The following EIF4G3 variants were observed in gnomAD, a reference collection of about 807,000 sequenced individuals.
EIF4G3 encodes the protein eIF-4-gamma 3.
Under a neutral mutation model 186.4 loss-of-function variants are expected in EIF4G3, and 34 were observed. The ratio of observed to expected loss-of-function variants is 0.18; its 90% CI spans 0.14 to 0.24. The LOEUF (loss-of-function observed/expected upper bound fraction) is 0.24. Ranked by LOEUF, EIF4G3 falls within the 10% of genes least tolerant of loss-of-function variation. The pLI is 1.00. For synonymous variants in EIF4G3, 673 were observed against 679.5 expected, an observed-to-expected ratio of 0.99 and a Z score of 0.15; for missense variants, 1,536 against 1,948.5, an observed-to-expected ratio of 0.79 and a Z score of 3.99.
intron 4 of EIF4G3, among the ~76,000 whole-genome samples, chr1:21,030,398 T>G (rs1484199206): frequency 6.6e-6 from 1 of 152,016 alleles, no homozygotes; most frequent in African/African-American, 2.4e-5. Flanking sequence ...GAAATGGGAG[T>G]TGCCCTACAC....
chr1:21,142,296 T>C (rs947482036), intron 2 of EIF4G3, among the ~76,000 whole-genome samples: 2 of 151,660 alleles, frequency 1.3e-5, no homozygotes, highest in African/African-American at 4.8e-5. Context: ...GCCCAGGAGT[T>C]TGAGACCAGC....
chr1:21,155,702 T>C (rs2097648126), intron 2 of EIF4G3, among the ~76,000 whole-genome samples: 1 of 151,972 alleles, frequency 6.6e-6, no homozygotes, highest in African/African-American at 2.4e-5. Flanking sequence ...ATCTAAAAAA[T>C]AAATAAATAA....
intron 11 of EIF4G3, among the ~76,000 whole-genome samples, chr1:20,970,870 A>T (rs1272083553): frequency 6.6e-6 from 1 of 152,030 alleles, no homozygotes; most frequent in African/African-American, 2.4e-5. Context: ...AGATTGAGGC[A>T]GGAGAATCGC....
chr1:21,163,287 TC>T (rs1222307132), intron 2 of EIF4G3, among the ~76,000 whole-genome samples: 1 of 152,210 alleles, frequency 6.6e-6, no homozygotes, highest in African/African-American at 2.4e-5. Flanking sequence ...TAAGCTAAGG[TC>T]AAGTGCTCTG....
intron 14 of EIF4G3, among the ~76,000 whole-genome samples, chr1:20,912,600 C>G (rs1160549451): frequency 6.6e-6 from 1 of 152,152 alleles, no homozygotes; most frequent in Non-Finnish European, 1.5e-5. Flanking sequence ...GGGAACAGCC[C>G]CGGTGCATTG....
chr1:21,098,541 A>G lies in EIF4G3; in HGVS notation c.-271-9328T>C, dbSNP rs57158627. ...GCAACCAGAGCGAGGCCCTGTCTCG[A>G]AAAAAAAAAAAAAAAAAAAAAAGAA... On this transcript the variant is annotated intron_variant, in intron 2 of 36. Coordinates refer to ENST00000602326, the MANE Select transcript of EIF4G3 (RefSeq NM_001391906.1). 3.6e-3 allele frequency among the ~76,000 whole-genome samples: 85 copies of G among 23,856 alleles called. 2 individuals are homozygous for G. Among genetic ancestry groups the G allele is most frequent in the Middle Eastern group, 0.038 (1 of 26 alleles). The allele number at this position is 23,856 out of a possible 152,430, so 15.7% of individuals were successfully genotyped here.
At chr1:20,929,513 C>T (rs759539375) in intron 14 of EIF4G3, 1 of 152,120 alleles carries the variant, frequency 6.6e-6, no homozygotes, top group Admixed American at 6.6e-5. Flanking sequence ...AAGATAAATT[C>T]CTCAGGGCAA....
chr1:21,174,331 C>T (rs962351665), intron 2 of EIF4G3, among the ~76,000 whole-genome samples: 8 of 152,182 alleles, frequency 5.3e-5, no homozygotes, highest in Non-Finnish European at 1.2e-4. Flanking sequence ...CTATGAAATG[C>T]ACTGAGAAAA....
rs1297594163 is a variant in EIF4G3 at position 20,853,589 on chromosome 1, T to C, written c.3522A>G (p.Val1174=). ...APSGSTPSTP[V]EFDSRRTLTS... ...TTAAGGTCCTTCGGGAATCAAACTC[T>C]ACAGGCGTGGATGGCGTGGACCCTG... is the stretch of plus-strand genomic sequence containing the variant. Residue 1174 remains valine, a synonymous_variant, in exon 27 of 37, where the codon GTA becomes GTG. Coordinates refer to ENST00000602326, the MANE Select transcript of EIF4G3 (RefSeq NM_001391906.1). 1 of 1,613,912 alleles carries C rather than the reference T, an allele frequency of 6.2e-7. No individual in the cohort carries two copies. Among genetic ancestry groups the C allele is most frequent in the Non-Finnish European group, 8.5e-7 (1 of 1,179,810 alleles).
At chr1:20,857,275 CTG>C (rs2075242821) in intron 25 of EIF4G3, 126 bp downstream of exon 25, 1 of 715,610 alleles carries the variant, frequency 1.4e-6, no homozygotes, top group Admixed American at 2.2e-5. Flanking sequence ...TGCAATATTG[CTG>C]TTTTACTTTA....
At position 20,827,567 on chromosome 1, in the gene EIF4G3, C is replaced by T. The variant is rs773581982; in HGVS notation, c.4269+50G>A. ...CACAGATAACCCAAGATCAAGATCA[C>T]TGCCCTTCCTAATAATACTGTTGAG... On this transcript the variant is annotated intron_variant, in intron 32 of 36. Transcript: ENST00000602326. The T allele has an allele frequency of 1.1e-5, 13 of 1,195,746 alleles. No homozygotes were observed. In the Admixed American group the frequency reaches 1.8e-4, roughly 16 times the overall value. 74.1% of individuals were successfully genotyped at this position (1,195,746 alleles called of 1,614,324 possible).
chr1:20,829,128 A>G lies in EIF4G3; in HGVS notation c.4187+19T>C, dbSNP rs199554792. Reference sequence around the variant, plus strand: ...TCAGTTCTACCTGATATATATCAAGAGAAACAAGTATAACTTACATGGTAA... The same window carrying G: ...TCAGTTCTACCTGATATATATCAAGGGAAACAAGTATAACTTACATGGTAA... On this transcript the variant is annotated intron_variant, in intron 31 of 36. Coordinates refer to ENST00000602326, the MANE Select transcript of EIF4G3 (RefSeq NM_001391906.1). The G allele has an allele frequency of 6.2e-7, 1 of 1,612,350 alleles. No individual in the cohort carries two copies. Among genetic ancestry groups the G allele is most frequent in the East Asian group, 2.2e-5 (1 of 44,854 alleles).
chr1:21,078,956 A>C (rs1040990610), intron 3 of EIF4G3, among the ~76,000 whole-genome samples: 4 of 152,182 alleles, frequency 2.6e-5, no homozygotes, highest in African/African-American at 7.2e-5. Flanking sequence ...TTGCACTCCA[A>C]CCTGGGCAAC....
At chr1:20,922,400 C>T (rs542131943) in intron 14 of EIF4G3, among the ~76,000 whole-genome samples, 1 of 152,060 alleles carries the variant, frequency 6.6e-6, no homozygotes, top group Non-Finnish European at 1.5e-5. Context: ...CGGGTTCATG[C>T]GATTCTCCTG....
intron 12 of EIF4G3, among the ~76,000 whole-genome samples, chr1:20,951,904 A>G (rs1005063664): frequency 1.3e-5 from 2 of 152,224 alleles, no homozygotes; most frequent in African/African-American, 4.8e-5. Context: ...TTAAAATAAC[A>G]AAGTCCTAGA....
chr1:21,087,970 A>G (rs1300322608), intron 3 of EIF4G3, among the ~76,000 whole-genome samples: 1 of 151,034 alleles, frequency 6.6e-6, no homozygotes, highest in Non-Finnish European at 1.5e-5. Flanking sequence ...GTAGCATGTG[A>G]CTGTAGTCCC....
chr1:20,884,485 G>A (rs917717067), intron 19 of EIF4G3, among the ~76,000 whole-genome samples: 5 of 152,194 alleles, frequency 3.3e-5, no homozygotes, highest in African/African-American at 1.2e-4. Context: ...TGTCAATGAT[G>A]AAGATCCAGT....
At chr1:20,937,893 T>C (rs1005295411) in intron 14 of EIF4G3, among the ~76,000 whole-genome samples, 1 of 152,228 alleles carries the variant, frequency 6.6e-6, no homozygotes, top group African/African-American at 2.4e-5. Context: ...GACGGTGATA[T>C]TAAAAGTGTG....
In EIF4G3 at chr1:20,807,472, T is replaced by C. The variant is rs759165740; in HGVS notation, c.4773A>G (p.Leu1591=). Reference sequence around the variant, plus strand: ...CCTCGGAGATCACCTCCTCGTCATATAGACAATCAAAAAACATCCGCAGCA... The same window carrying C: ...CCTCGGAGATCACCTCCTCGTCATACAGACAATCAAAAAACATCCGCAGCA... ...ANLLRMFFDC[L]YDEEVISEDA... The change falls in exon 37 of 37, where the codon CTA becomes CTG. Residue 1591 remains leucine, a synonymous_variant. Coordinates refer to ENST00000602326, the MANE Select transcript of EIF4G3 (RefSeq NM_001391906.1). 10 of 1,599,374 alleles carry C rather than the reference T, an allele frequency of 6.3e-6. No homozygotes were observed. The highest frequency in any genetic ancestry group is 2.7e-5 in the African/African-American group (2 of 74,622).
Sources: gnomAD v4.1 joint callset for allele counts (sites outside exome capture counted in the v4.1 genomes callset) on GRCh38, gnomAD v4.1.1 for gene constraint, MANE v1.5 for transcripts, NCBI Gene and HGNC (gene_info 2026-07-23, HGNC 2026-07-21) for gene names.